ERBB4: variants seen among roughly 807,000 people sequenced by gnomAD.
The protein encoded by ERBB4 is receptor tyrosine-protein kinase erbB-4.
ERBB4 carries 42 observed loss-of-function variants against 158.0 expected under a neutral mutation model. That is an observed-to-expected ratio of 0.27 (90% confidence interval 0.21 to 0.34). ERBB4 has a LOEUF of 0.34. Among genes scored for constraint, ERBB4 ranks in the 10% least tolerant of loss-of-function variants. The pLI is 1.00. For missense variants in ERBB4, 1,333 were observed against 1,624.1 expected (o/e 0.82, Z 3.08); for synonymous variants, 583 against 558.7 (o/e 1.04, Z -0.61).
chr2:211,682,085 C>CACAT (rs1553609462), intron 12 of ERBB4, among the ~76,000 whole-genome samples: 1,588 of 149,802 alleles, frequency 0.011, 21 homozygotes, highest in African/African-American at 0.033. Context: ...CACACACACA[C>CACAT]ACACACAATT....
At chr2:212,442,434 C>T (rs960207695) in intron 1 of ERBB4, among the ~76,000 whole-genome samples, 29 of 152,090 alleles carry the variant, frequency 1.9e-4, no homozygotes, top group African/African-American at 6.5e-4. Context: ...AACTTAAGGC[C>T]TTTTACCAGG....
intron 19 of ERBB4, among the ~76,000 whole-genome samples, chr2:211,578,428 T>C (rs999400360): frequency 2.0e-5 from 3 of 152,162 alleles, no homozygotes; most frequent in Non-Finnish European, 4.4e-5. Flanking sequence ...ACCATTGACA[T>C]TATCCACAGA....
intron 19 of ERBB4, among the ~76,000 whole-genome samples, chr2:211,612,403 G>T (rs1469531906): frequency 1.3e-5 from 2 of 151,686 alleles, no homozygotes; most frequent in East Asian, 3.9e-4. Context: ...TAAAAACTAA[G>T]ATAAATAATA....
At chr2:211,454,919 C>T (rs1293631601) in intron 20 of ERBB4, among the ~76,000 whole-genome samples, 7 of 152,200 alleles carry the variant, frequency 4.6e-5, no homozygotes, top group Non-Finnish European at 4.4e-5. Context: ...GCTGGCTGGC[C>T]GGCACACAGG....
intron 3 of ERBB4, among the ~76,000 whole-genome samples, chr2:211,908,249 T>A (rs2079449391): frequency 6.6e-6 from 1 of 151,796 alleles, no homozygotes; most frequent in Non-Finnish European, 1.5e-5. Context: ...ACAGTGACAC[T>A]TTGTCTTAGA....
intron 1 of ERBB4, among the ~76,000 whole-genome samples, chr2:212,439,334 T>C (rs1163806796): frequency 6.6e-6 from 1 of 152,198 alleles, no homozygotes; most frequent in Non-Finnish European, 1.5e-5. Context: ...CAATAAAATG[T>C]ATCTCTAACT....
intron 20 of ERBB4, among the ~76,000 whole-genome samples, chr2:211,538,068 G>A (rs964813301): frequency 2.1e-5 from 3 of 145,560 alleles, no homozygotes; most frequent in Non-Finnish European, 4.4e-5. Flanking sequence ...TCCATACAGG[G>A]TTATTGCTTA....
intron 2 of ERBB4, among the ~76,000 whole-genome samples, chr2:211,987,698 G>C (rs74332173): frequency 0.12 from 18,165 of 151,822 alleles, 1,218 homozygotes; most frequent in Non-Finnish European, 0.16. Context: ...GACTGGAACA[G>C]GCAAAAAAAA....
At chr2:212,411,962 T>G (rs2091512690) in intron 1 of ERBB4, among the ~76,000 whole-genome samples, 1 of 152,188 alleles carries the variant, frequency 6.6e-6, no homozygotes, top group Non-Finnish European at 1.5e-5. Context: ...AGACTTCTTC[T>G]TCTTCTTAGA....
intron 12 of ERBB4, among the ~76,000 whole-genome samples, chr2:211,697,697 T>C (rs2073076570): frequency 6.6e-6 from 1 of 152,184 alleles, no homozygotes; most frequent in Admixed American, 6.5e-5. Flanking sequence ...TTCTTTCAGA[T>C]CACTGAAATT....
At chr2:212,297,700 ATAAAG>A (rs1352770410) in intron 1 of ERBB4, among the ~76,000 whole-genome samples, 7 of 151,780 alleles carry the variant, frequency 4.6e-5, no homozygotes, top group Admixed American at 2.6e-4. Flanking sequence ...ATAATCTCAA[ATAAAG>A]TAAATATTTC....
intron 2 of ERBB4, among the ~76,000 whole-genome samples, chr2:212,061,037 T>C (rs140565109): frequency 1.3e-5 from 2 of 151,980 alleles, no homozygotes; most frequent in African/African-American, 4.8e-5. Context: ...ATACTCTTAA[T>C]TGAGGTCACT....
At chr2:211,594,501 G>T (rs1574827799) in intron 19 of ERBB4, among the ~76,000 whole-genome samples, 4 of 151,668 alleles carry the variant, frequency 2.6e-5, no homozygotes, top group Admixed American at 2.6e-4. Context: ...AAATTTTGTA[G>T]ACCATTCAGA....
At chr2:212,521,230 A>C (rs1692142964) in intron 1 of ERBB4, among the ~76,000 whole-genome samples, 6 of 151,968 alleles carry the variant, frequency 3.9e-5, no homozygotes. Context: ...AGAGGATTTG[A>C]GTTTGCCAGG....
chr2:211,401,654 A>C (rs558041753), intron 25 of ERBB4, among the ~76,000 whole-genome samples: 2 of 152,168 alleles, frequency 1.3e-5, no homozygotes, highest in African/African-American at 4.8e-5. Flanking sequence ...CCTCTTTAAT[A>C]AATTGAGATC....
intron 3 of ERBB4, among the ~76,000 whole-genome samples, chr2:211,811,852 G>C (rs1326502089): frequency 6.6e-6 from 1 of 152,028 alleles, no homozygotes; most frequent in Non-Finnish European, 1.5e-5. Flanking sequence ...TCGTGCCATG[G>C]TTTTCAGCTC....
At chr2:211,555,066 G>A (rs899153055) in intron 20 of ERBB4, among the ~76,000 whole-genome samples, 2 of 152,210 alleles carry the variant, frequency 1.3e-5, no homozygotes, top group African/African-American at 4.8e-5. Flanking sequence ...GGTATTATAT[G>A]AGCATGAAAT....
intron 2 of ERBB4, among the ~76,000 whole-genome samples, chr2:212,036,215 A>C (rs1362550543): frequency 6.6e-6 from 1 of 152,140 alleles, no homozygotes; most frequent in African/African-American, 2.4e-5. Context: ...GTTCCTTTCC[A>C]AAGGCTTCTC....
intron 12 of ERBB4, among the ~76,000 whole-genome samples, chr2:211,692,705 G>A (rs914614140): frequency 3.3e-5 from 5 of 152,076 alleles, no homozygotes; most frequent in African/African-American, 1.2e-4. Context: ...AAAGACACGT[G>A]TGATTATATT....
Sources: gnomAD v4.1 joint callset for allele counts (sites outside exome capture counted in the v4.1 genomes callset) on GRCh38, gnomAD v4.1.1 for gene constraint, MANE v1.5 for transcripts, NCBI Gene and HGNC (gene_info 2026-07-23, HGNC 2026-07-21) for gene names.